The following ZNF37A variants were observed in gnomAD, a reference collection of about 807,000 sequenced individuals.
The protein encoded by ZNF37A is zinc finger protein 37A, also known as zinc finger protein 37a (KOX 21).
ZNF37A carries 10 observed loss-of-function variants against 12.3 expected under a neutral mutation model. The ratio of observed to expected loss-of-function variants is 0.82; its 90% CI spans 0.50 to 1.38. The LOEUF (loss-of-function observed/expected upper bound fraction) is 1.38. Among genes scored for constraint, ZNF37A ranks in the 40% most tolerant of loss-of-function variants. The pLI, the probability that ZNF37A is intolerant of heterozygous loss-of-function variation, is 0.00. For synonymous variants in ZNF37A, 207 were observed against 223.0 expected, an observed-to-expected ratio of 0.93 and a Z score of 0.64; for missense variants, 580 against 651.2, an observed-to-expected ratio of 0.89 and a Z score of 1.19.
intron 5 of ZNF37A, 112 bp from the exon 6 acceptor site, chr10:38,114,643 A>C: frequency 1.4e-6 from 2 of 1,380,668 alleles, no homozygotes; most frequent in Non-Finnish European, 2.0e-6. Context: ...CCTTTATAAC[A>C]GTTTCTATTT....
intron 7 of ZNF37A, among the ~76,000 whole-genome samples, chr10:38,132,763 C>T (rs1467353695): frequency 1.3e-5 from 2 of 151,710 alleles, no homozygotes; most frequent in African/African-American, 4.8e-5. Context: ...GATGTAACCC[C>T]ATGGTAACTC....
chr10:38,098,882 C>A (rs1319383407), intron 5 of ZNF37A, among the ~76,000 whole-genome samples: 1 of 72,480 alleles, frequency 1.4e-5, no homozygotes, highest in Non-Finnish European at 3.1e-5. Flanking sequence ...TGCTTTTTGA[C>A]TGTGCACAAC....
At position 38,130,940 on chromosome 10, in the gene ZNF37A, C is replaced by T. The variant is rs1590941343; in HGVS notation, c.238+15650C>T. 2.0e-5 allele frequency among the ~76,000 whole-genome samples: 3 copies of T among 152,160 alleles called. No homozygotes were observed. The South Asian group carries it at 6.2e-4, about 31-fold the overall frequency. On this transcript the variant is annotated intron_variant, in intron 7 of 7. Coordinates refer to the ZNF37A transcript ENST00000638053. Reference sequence around the variant, plus strand: ...CTAATTGTGATTGATATTTGCACTTCTCTAATGACTACTGATGTTAAGCAT... The same window carrying T: ...CTAATTGTGATTGATATTTGCACTTTTCTAATGACTACTGATGTTAAGCAT...
intron 7 of ZNF37A, among the ~76,000 whole-genome samples, chr10:38,132,080 C>T (rs2070035547): frequency 6.6e-6 from 1 of 151,958 alleles, no homozygotes; most frequent in Non-Finnish European, 1.5e-5. Flanking sequence ...ATATTTTTAC[C>T]TCTTTCTTTC....
chr10:38,134,729 C>A (rs564403543), intron 7 of ZNF37A, among the ~76,000 whole-genome samples: 2 of 152,286 alleles, frequency 1.3e-5, no homozygotes, highest in East Asian at 3.9e-4. Flanking sequence ...CCAGTTAGGC[C>A]ACTCAGGGGT....
chr10:38,110,727 A>T (rs1308852465), intron 5 of ZNF37A, among the ~76,000 whole-genome samples: 6 of 152,266 alleles, frequency 3.9e-5, no homozygotes, highest in Non-Finnish European at 8.8e-5. Context: ...AAACATATGA[A>T]AAAAAGCTCA....
chr10:38,115,404 C>CCTG, intron 7 of ZNF37A, 114 bp downstream of exon 7: 1 of 1,429,280 alleles, frequency 7.0e-7, no homozygotes, highest in Non-Finnish European at 9.2e-7. Context: ...GGCTCCAGAC[C>CCTG]TTTGGAAGTA....
chr10:38,101,587 CT>C (rs35103940), intron 5 of ZNF37A, among the ~76,000 whole-genome samples: 133 of 144,452 alleles, frequency 9.2e-4, no homozygotes, highest in Middle Eastern at 3.5e-3. Flanking sequence ...GTAGACTGAC[CT>C]TTTTTTTTTT....
At chr10:38,107,346 C>A (rs1343468886) in intron 5 of ZNF37A, among the ~76,000 whole-genome samples, 1 of 152,172 alleles carries the variant, frequency 6.6e-6, no homozygotes, top group Non-Finnish European at 1.5e-5. Flanking sequence ...ACAAGAGTTC[C>A]TGAAGGAAGC....
At chr10:38,112,738 T>TCTTGGTCTTGGTCTTGGTCTTGGTCTTGG in intron 5 of ZNF37A, among the ~76,000 whole-genome samples, 27 of 58,902 alleles carry the variant, frequency 4.6e-4, no homozygotes, top group East Asian at 1.1e-3. Flanking sequence ...CCATTTTCTT[T>TCTTGGTCTTGGTCTTGGTCTTGGTCTTGG]TCTTTTCTTT....
intron 5 of ZNF37A, among the ~76,000 whole-genome samples, chr10:38,113,746 TC>T (rs1159234280): frequency 7.2e-5 from 11 of 152,194 alleles, no homozygotes; most frequent in African/African-American, 2.7e-4. Flanking sequence ...TCCAGCAGTC[TC>T]AACTCTACTT....
chr10:38,125,070 A>G (rs2069903784), downstream of ZNF37A: 2 of 152,260 alleles, frequency 1.3e-5, no homozygotes, highest in Admixed American at 1.3e-4. Context: ...CTTGTAGAAG[A>G]AAACATGAGA....
chr10:38,114,870 T>G lies in ZNF37A; in HGVS notation c.131T>G (p.Leu44Arg). 6.2e-7 allele frequency: 1 copy of G among 1,612,350 alleles called. No homozygotes were observed. Among genetic ancestry groups the G allele is most frequent in the Middle Eastern group, 1.7e-4 (1 of 6,044 alleles). The change falls in exon 6 of 8, where the codon CTT becomes CGT. Residue 44 changes from leucine to arginine, a missense_variant. Coordinates refer to ENST00000685332, the MANE Select transcript of ZNF37A (RefSeq NM_001324250.3). ...GTGATGCTGGAGAACTACAGCCACCTTGTCTCAGTAGGTAGGTAGGAATTG... is the reference window on the plus strand; with the variant it reads ...GTGATGCTGGAGAACTACAGCCACCGTGTCTCAGTAGGTAGGTAGGAATTG... Reference protein sequence around the residue: ...RDVMLENYSHLVSVGYCIPKP... With the variant: ...RDVMLENYSHRVSVGYCIPKP...
At chr10:38,111,598 A>T (rs1248011747) in intron 5 of ZNF37A, among the ~76,000 whole-genome samples, 3 of 152,100 alleles carry the variant, frequency 2.0e-5, no homozygotes, top group Non-Finnish European at 4.4e-5. Flanking sequence ...CCACTCTGCC[A>T]GTCTCCCATT....
chr10:38,140,632 T>C (rs1251366242), intron 7 of ZNF37A: 1 of 152,240 alleles, frequency 6.6e-6, no homozygotes, highest in Admixed American at 6.5e-5. Flanking sequence ...TGTATATACA[T>C]GGGTTAGGAC....
intron 7 of ZNF37A, among the ~76,000 whole-genome samples, chr10:38,134,908 G>T (rs138577676): frequency 8.5e-5 from 13 of 152,170 alleles, no homozygotes; most frequent in Non-Finnish European, 1.8e-4. Flanking sequence ...ATAAGTTTTT[G>T]TTCCTTACTT....
intron 5 of ZNF37A, among the ~76,000 whole-genome samples, chr10:38,098,160 A>G (rs892551809): frequency 2.0e-5 from 3 of 152,198 alleles, no homozygotes; most frequent in East Asian, 3.9e-4. Context: ...GTCCCTTTTT[A>G]TGACTGAACA....
Position 38,118,013 on chromosome 10 carries a change from A to G in ZNF37A, c.862A>G (p.Arg288Gly). 1 of 1,614,078 alleles carries G rather than the reference A, an allele frequency of 6.2e-7. No homozygotes were observed. Among genetic ancestry groups the G allele is most frequent in the Non-Finnish European group, 8.5e-7 (1 of 1,180,012 alleles). ...KTFTQKSAHT[R>G]HQRTHTGGKP... Reference sequence around the variant, plus strand: ...CTTCACCCAGAAGTCAGCCCACACAAGACATCAGAGAACACACACAGGGGG... The same window carrying G: ...CTTCACCCAGAAGTCAGCCCACACAGGACATCAGAGAACACACACAGGGGG... The change falls in exon 8 of 8, where the codon AGA becomes GGA. Residue 288 changes from arginine (R) to glycine (G), a missense_variant. Coordinates refer to ENST00000685332, the MANE Select transcript of ZNF37A (RefSeq NM_001324250.3).
chr10:38,105,225 G>A (rs1292407366), intron 5 of ZNF37A, among the ~76,000 whole-genome samples: 9 of 151,876 alleles, frequency 5.9e-5, no homozygotes, highest in Non-Finnish European at 7.4e-5. Flanking sequence ...GGCTGGTCTC[G>A]AACTCCCGAC....
Sources: gnomAD v4.1 joint callset for allele counts (sites outside exome capture counted in the v4.1 genomes callset) on GRCh38, gnomAD v4.1.1 for gene constraint, MANE v1.5 for transcripts, NCBI Gene and HGNC (gene_info 2026-07-23, HGNC 2026-07-21) for gene names.